MPV17L: variants seen among roughly 807,000 people sequenced by gnomAD.
MPV17L encodes mpv17-like protein.
A neutral mutation model predicts 25.8 loss-of-function variants in MPV17L; 24 were observed. That is an observed-to-expected ratio of 0.93 (90% confidence interval 0.67 to 1.31). MPV17L has a LOEUF of 1.31. Among genes scored for constraint, MPV17L ranks in the 50% most tolerant of loss-of-function variants. MPV17L has a pLI of 0.00. For missense variants in MPV17L, 250 were observed against 265.6 expected (o/e 0.94, Z 0.41); for synonymous variants, 102 against 115.3 (o/e 0.88, Z 0.74).
intron 2 of MPV17L, among the ~76,000 whole-genome samples, chr16:15,402,120 G>C (rs2050644129): frequency 6.6e-6 from 1 of 152,168 alleles, no homozygotes; most frequent in African/African-American, 2.4e-5. Flanking sequence ...TGATAGAGAA[G>C]GAGAAGGTTT....
chr16:15,403,021 C>T (rs949792785), intron 2 of MPV17L, among the ~76,000 whole-genome samples: 23 of 151,770 alleles, frequency 1.5e-4, no homozygotes, highest in African/African-American at 5.3e-4. Context: ...CAAGTTTTTC[C>T]ATTATGTTGT....
chr16:15,406,118 G>A (rs1470778645), intron 2 of MPV17L, among the ~76,000 whole-genome samples: 1 of 151,918 alleles, frequency 6.6e-6, no homozygotes, highest in African/African-American at 2.4e-5. Context: ...AACCCAGGAG[G>A]TGGAGGTTGC....
Position 15,396,166 on chromosome 16 carries a change from A to G in MPV17L, c.269A>G (p.Gln90Arg), listed in dbSNP as rs768014612. The change falls in exon 1 of 4, where the codon CAG becomes CGG. Residue 90 changes from glutamine to arginine, a missense_variant. Physicochemically the swap from Gln to Arg is conservative, Grantham distance 43 (BLOSUM62 1). Coordinates refer to ENST00000396385, the MANE Select transcript of MPV17L (RefSeq NM_001128423.2). Reference sequence around the variant, plus strand: ...CTGCTGGCCAAGTTGCTGTGCGACCAGGTGGTCGGTGCGCCCATCGCGGTC... The same window carrying G: ...CTGCTGGCCAAGTTGCTGTGCGACCGGGTGGTCGGTGCGCCCATCGCGGTC... ...HALLAKLLCD[Q>R]VVGAPIAVSA... The G allele has an allele frequency of 1.3e-6, 2 of 1,550,258 alleles. No individual in the cohort carries two copies. The highest frequency in any genetic ancestry group is 1.7e-6 in the Non-Finnish European group (2 of 1,147,842).
At chr16:15,400,741 GT>G in intron 1 of MPV17L, 45 bp from the exon 2 acceptor site, 1 of 1,347,892 alleles carries the variant, frequency 7.4e-7, no homozygotes. Context: ...CTGTTATACG[GT>G]ACTCTACTGA....
intron 2 of MPV17L, among the ~76,000 whole-genome samples, chr16:15,406,525 A>G (rs899368734): frequency 3.3e-5 from 5 of 152,160 alleles, no homozygotes; most frequent in Admixed American, 1.3e-4. Flanking sequence ...TCTATCTAAC[A>G]TATTTTGTAA....
intron 2 of MPV17L, among the ~76,000 whole-genome samples, chr16:15,401,100 T>A (rs2050636794): frequency 7.9e-6 from 1 of 126,280 alleles, no homozygotes; most frequent in Non-Finnish European, 1.7e-5. Flanking sequence ...TTTTTTTTTT[T>A]TTTTTTTTTT....
intron 2 of MPV17L, among the ~76,000 whole-genome samples, chr16:15,401,547 G>A (rs1220732335): frequency 6.6e-6 from 1 of 152,204 alleles, no homozygotes; most frequent in Non-Finnish European, 1.5e-5. Context: ...TGGGCCCGGT[G>A]CAGTGGCTCA....
chr16:15,396,818 A>C (rs2050590332), intron 1 of MPV17L, among the ~76,000 whole-genome samples: 1 of 152,018 alleles, frequency 6.6e-6, no homozygotes, highest in South Asian at 2.1e-4. Flanking sequence ...TGGTAACAAG[A>C]TTTTCCCCTG....
In MPV17L at chr16:15,396,138, G is replaced by A. The variant is rs1270642006; in HGVS notation, c.241G>A (p.Ala81Thr). 6.5e-6 allele frequency: 10 copies of A among 1,548,330 alleles called. No homozygotes were observed. In the South Asian group the frequency reaches 9.5e-5, roughly 15 times the overall value. The change falls in exon 1 of 4, where the codon GCC (alanine) becomes ACC (threonine). Residue 81 changes from alanine to threonine, a missense_variant. Transcript: ENST00000396385. ...ERALPGRAPH[A>T]LLAKLLCDQV... ...CGCGCTCCCGGGCCGAGCGCCGCACGCCCTGCTGGCCAAGTTGCTGTGCGA... is the reference window on the plus strand; with the variant it reads ...CGCGCTCCCGGGCCGAGCGCCGCACACCCTGCTGGCCAAGTTGCTGTGCGA...
At position 15,412,920 on chromosome 16, in the gene MPV17L, CTTAT is replaced by C. The variant is rs2050746952; in HGVS notation, c.*4811_*4814del. 6.6e-6 allele frequency: 1 copy of C among 152,010 alleles called. No homozygotes were observed. The highest frequency in any genetic ancestry group is 2.1e-4 in the South Asian group (1 of 4,822). 9.4% of individuals were successfully genotyped at this position (152,010 alleles called of 1,614,324 possible). On this transcript the variant is annotated 3_prime_UTR_variant, in exon 4 of 4. Transcript: ENST00000396385. ...TAACTCATACATCATTGCTATAAAC[CTTAT>C]TTGTTTACTGTTTCTCTTCCAAGGA...
intron 1 of MPV17L, among the ~76,000 whole-genome samples, chr16:15,398,594 T>C (rs1011979912): frequency 3.3e-5 from 5 of 150,498 alleles, no homozygotes; most frequent in Admixed American, 6.6e-5. Context: ...TTCTTTCTTT[T>C]TTTTTTTTTT....
In MPV17L at chr16:15,407,922, C is replaced by G. The variant is rs1402749519; in HGVS notation, c.412-11C>G. The G allele has an allele frequency of 1.9e-6, 3 of 1,613,602 alleles. No individual in the cohort carries two copies. In the East Asian group the frequency reaches 6.7e-5, roughly 36 times the overall value. ...TCCATGTGGCCCTAACGGACTCTCTCTCTGTTCCAGCTGACCAACTTCAGC... is the reference window on the plus strand; with the variant it reads ...TCCATGTGGCCCTAACGGACTCTCTGTCTGTTCCAGCTGACCAACTTCAGC... On this transcript the variant is annotated splice_polypyrimidine_tract_variant and intron_variant, in intron 3 of 3. Coordinates refer to ENST00000396385, the MANE Select transcript of MPV17L (RefSeq NM_001128423.2).
At position 15,412,303 on chromosome 16, in the gene MPV17L, C is replaced by T. The variant is rs1416270708; in HGVS notation, c.*4191C>T. 1.3e-5 allele frequency: 2 copies of T among 151,974 alleles called. No individual in the cohort carries two copies. Among genetic ancestry groups the T allele is most frequent in the African/African-American group, 4.8e-5 (2 of 41,366 alleles). The allele number at this position is 151,974 out of a possible 1,614,324, so 9.4% of individuals were successfully genotyped here. On this transcript the variant is annotated 3_prime_UTR_variant, in exon 4 of 4. Transcript: ENST00000396385. Reference sequence around the variant, plus strand: ...AATTAGCCGGGTGTGGTGGCTTGCACCTGTCCTCCCAGCTACTTGGGGGTG... The same window carrying T: ...AATTAGCCGGGTGTGGTGGCTTGCATCTGTCCTCCCAGCTACTTGGGGGTG...
At chr16:15,401,203 C>T (rs980118156) in intron 2 of MPV17L, among the ~76,000 whole-genome samples, 1 of 149,052 alleles carries the variant, frequency 6.7e-6, no homozygotes, top group Non-Finnish European at 1.5e-5. Flanking sequence ...GCCTGGACCT[C>T]CTGAGCTCAA....
At position 15,412,298 on chromosome 16, in the gene MPV17L, T is replaced by A. The variant is rs1258515411; in HGVS notation, c.*4186T>A. Reference sequence around the variant, plus strand: ...ACAAAAATTAGCCGGGTGTGGTGGCTTGCACCTGTCCTCCCAGCTACTTGG... The same window carrying A: ...ACAAAAATTAGCCGGGTGTGGTGGCATGCACCTGTCCTCCCAGCTACTTGG... On this transcript the variant is annotated 3_prime_UTR_variant, in exon 4 of 4. Transcript: ENST00000396385. 6.6e-6 allele frequency: 1 copy of A among 151,804 alleles called. No homozygotes were observed. The highest frequency in any genetic ancestry group is 2.4e-5 in the African/African-American group (1 of 41,314). 9.4% of individuals were successfully genotyped at this position (151,804 alleles called of 1,614,324 possible).
chr16:15,402,070 C>G (rs1173281098), intron 2 of MPV17L, among the ~76,000 whole-genome samples: 1 of 152,088 alleles, frequency 6.6e-6, no homozygotes, highest in Non-Finnish European at 1.5e-5. Context: ...GAGCATCCTG[C>G]GGAGTCCTGG....
At chr16:15,396,320 G>C in intron 1 of MPV17L, 113 bp downstream of exon 1, 1 of 1,342,814 alleles carries the variant, frequency 7.4e-7, no homozygotes, top group Non-Finnish European at 1.0e-6. Flanking sequence ...TGGGGACCCG[G>C]GCAGGAGCCG....
Position 15,395,763 on chromosome 16 carries a change from G to C in MPV17L, c.-135G>C. On this transcript the variant is annotated 5_prime_UTR_variant, in exon 1 of 4. Coordinates refer to ENST00000396385, the MANE Select transcript of MPV17L (RefSeq NM_001128423.2). Reference sequence around the variant, plus strand: ...TGTGTGTGGGTCGCTCAATCGCTCCGGAGCTTCTGGAGGGGGCAGATGCAG... The same window carrying C: ...TGTGTGTGGGTCGCTCAATCGCTCCCGAGCTTCTGGAGGGGGCAGATGCAG... 1.2e-6 allele frequency: 1 copy of C among 836,486 alleles called. No individual in the cohort carries two copies. The highest frequency in any genetic ancestry group is 1.7e-6 in the Non-Finnish European group (1 of 595,960). 51.8% of individuals were successfully genotyped at this position (836,486 alleles called of 1,614,324 possible).
At position 15,408,215 on chromosome 16, in the gene MPV17L, G is replaced by A; in HGVS notation, c.*103G>A. On this transcript the variant is annotated 3_prime_UTR_variant, in exon 4 of 4. Transcript: ENST00000396385. ...GTGCCAATTATGCACTTCATTTTGA[G>A]GAATTACTACTATTTATAGACCCAC... 2.4e-6 allele frequency: 2 copies of A among 822,142 alleles called. No homozygotes were observed. 50.9% of individuals were successfully genotyped at this position (822,142 alleles called of 1,614,324 possible).
Sources: gnomAD v4.1 joint callset for allele counts (sites outside exome capture counted in the v4.1 genomes callset) on GRCh38, gnomAD v4.1.1 for gene constraint, MANE v1.5 for transcripts, NCBI Gene and HGNC (gene_info 2026-07-23, HGNC 2026-07-21) for gene names.